The following ANKRD62 variants were observed in gnomAD, a reference collection of about 807,000 sequenced individuals.
ANKRD62 encodes the protein ankyrin repeat domain 62, also known as ankyrin repeat domain-containing protein 62.
In ANKRD62, 61 loss-of-function variants were observed where a neutral mutation model predicts 98.8. The observed-to-expected ratio is 0.62, with a 90% CI of 0.50 to 0.76. The LOEUF (loss-of-function observed/expected upper bound fraction) is 0.76. ANKRD62 is among the 30% of genes least tolerant of loss of function. The pLI is 0.00. For missense variants in ANKRD62, 933 were observed against 1,082.9 expected, an observed-to-expected ratio of 0.86 and a Z score of 1.94; for synonymous variants, 341 against 367.9, an observed-to-expected ratio of 0.93 and a Z score of 0.84.
Position 12,106,016 on chromosome 18 carries a change from C to T in ANKRD62, c.892-1279C>T, listed in dbSNP as rs1401554321. 2.0e-5 allele frequency among the ~76,000 whole-genome samples: 3 copies of T among 152,240 alleles called. No individual in the cohort carries two copies. The East Asian group carries it at 5.8e-4, about 29-fold the overall frequency. ...GAAGTGCTATAAAAATGTGTCTGTC[C>T]TTGAGAGTTGGAACAAATATTCATG... On this transcript the variant is annotated intron_variant, in intron 7 of 13. Transcript: ENST00000587848.
Position 12,124,215 on chromosome 18 carries a change from A to C in ANKRD62, c.1533A>C (p.Ile511=). 7.0e-7 allele frequency: 1 copy of C among 1,423,766 alleles called. No individual in the cohort carries two copies. 88.2% of individuals were successfully genotyped at this position (1,423,766 alleles called of 1,614,324 possible). Residue 511 remains isoleucine, a synonymous_variant, in exon 12 of 14, where the codon ATA becomes ATC. Transcript: ENST00000587848. ...LYEKDIEELK[I]MEEQYRTQTE... Reference sequence around the variant, plus strand: ...AAAAAGATATAGAAGAGTTAAAAATAATGGAAGAGCAATATAGGACACAAA... The same window carrying C: ...AAAAAGATATAGAAGAGTTAAAAATCATGGAAGAGCAATATAGGACACAAA...
intron 8 of ANKRD62, among the ~76,000 whole-genome samples, chr18:12,114,499 T>A (rs1033412655): frequency 6.6e-6 from 1 of 152,218 alleles, no homozygotes; most frequent in Non-Finnish European, 1.5e-5. Context: ...CAGTTTTATG[T>A]GTTTGGGCAG....
the ANKRD62 span, among the ~76,000 whole-genome samples, chr18:12,137,676 T>G: frequency 6.6e-6 from 1 of 152,146 alleles, no homozygotes; most frequent in South Asian, 2.1e-4. Context: ...TCCATCTGGT[T>G]CTGGACTTTT....
At chr18:12,094,324 G>A (rs1909117357) in intron 1 of ANKRD62, 89 bp downstream of exon 1, 21 of 850,192 alleles carry the variant, frequency 2.5e-5, no homozygotes, top group Non-Finnish European at 3.4e-5. Context: ...ACGGTGTGGG[G>A]TGAAGGCGTG....
the ANKRD62 span, among the ~76,000 whole-genome samples, chr18:12,161,368 C>T: frequency 9.2e-5 from 14 of 151,922 alleles, no homozygotes; most frequent in Non-Finnish European, 1.5e-4. Context: ...TCATATAATA[C>T]GCCATTTTCC....
chr18:12,102,701 G>A (rs936835683), intron 6 of ANKRD62: 8 of 1,038,556 alleles, frequency 7.7e-6, no homozygotes, highest in Non-Finnish European at 9.3e-6. Context: ...TATAATGAAC[G>A]GGGTGTATAT....
chr18:12,131,368 T>TG (rs1281001888), downstream of ANKRD62, among the ~76,000 whole-genome samples: 3 of 152,234 alleles, frequency 2.0e-5, no homozygotes, highest in African/African-American at 4.8e-5. Context: ...ATGGGTTGCT[T>TG]GGTTAACAAA....
the ANKRD62 span, among the ~76,000 whole-genome samples, chr18:12,155,855 T>C: frequency 6.6e-6 from 1 of 152,024 alleles, no homozygotes; most frequent in African/African-American, 2.4e-5. Context: ...ATTGGGGAGA[T>C]AGAAAGGGGG....
chr18:12,163,223 T>C, the ANKRD62 span, among the ~76,000 whole-genome samples: 1 of 152,076 alleles, frequency 6.6e-6, no homozygotes, highest in African/African-American at 2.4e-5. Context: ...ATCTTTCACT[T>C]CTGTGTTTAA....
chr18:12,095,885 G>C (rs946341008), intron 3 of ANKRD62, among the ~76,000 whole-genome samples: 2 of 152,162 alleles, frequency 1.3e-5, no homozygotes, highest in East Asian at 1.9e-4. Context: ...TAGATTTCAG[G>C]CTTCTCTTAA....
At chr18:12,101,178 ACTTTT>A (rs1909292550) in intron 6 of ANKRD62, among the ~76,000 whole-genome samples, 1 of 152,062 alleles carries the variant, frequency 6.6e-6, no homozygotes, top group African/African-American at 2.4e-5. Flanking sequence ...GAATGTGTGT[ACTTTT>A]CTTTTTTTTA....
At chr18:12,108,627 C>A (rs1598733056) in intron 8 of ANKRD62, among the ~76,000 whole-genome samples, 1 of 152,298 alleles carries the variant, frequency 6.6e-6, no homozygotes, top group East Asian at 1.9e-4. Context: ...GCCTTCCCAA[C>A]AGTGCCCCCA....
chr18:12,127,387 T>C (rs1235535044), intron 13 of ANKRD62, among the ~76,000 whole-genome samples: 1 of 152,170 alleles, frequency 6.6e-6, no homozygotes, highest in Non-Finnish European at 1.5e-5. Context: ...AACTCTGAGG[T>C]TGATTTGAGC....
In ANKRD62 at chr18:12,105,525, G is replaced by T. The variant is rs144057537; in HGVS notation, c.892-1770G>T. On this transcript the variant is annotated intron_variant, in intron 7 of 13. Transcript: ENST00000587848. Reference sequence around the variant, plus strand: ...TCTACCTTTTTGGGGTCTGGAAGATGGTCACTCTCTTCTCACAGCTCTTCT... The same window carrying T: ...TCTACCTTTTTGGGGTCTGGAAGATTGTCACTCTCTTCTCACAGCTCTTCT... Among the ~76,000 whole-genome samples, 285 of 152,174 alleles carry T rather than the reference G, an allele frequency of 1.9e-3. 1 individual carries two copies. The highest frequency in any genetic ancestry group is 3.4e-3 in the Middle Eastern group (1 of 294).
At chr18:12,172,891 G>A in the ANKRD62 span, among the ~76,000 whole-genome samples, 1 of 152,210 alleles carries the variant, frequency 6.6e-6, no homozygotes, top group African/African-American at 2.4e-5. Context: ...CTCCATGGGC[G>A]TGGGACCCTC....
intron 10 of ANKRD62, among the ~76,000 whole-genome samples, chr18:12,119,190 G>A (rs1168253804): frequency 2.0e-5 from 3 of 151,442 alleles, no homozygotes; most frequent in Admixed American, 2.0e-4. Context: ...ATGTCACCTT[G>A]GTTTTTTTTT....
chr18:12,130,604 G>A (rs1473670894), downstream of ANKRD62, among the ~76,000 whole-genome samples: 5 of 152,100 alleles, frequency 3.3e-5, no homozygotes, highest in African/African-American at 9.6e-5. Context: ...AAGAGTAAAC[G>A]TGAAATACAT....
intron 11 of ANKRD62, among the ~76,000 whole-genome samples, chr18:12,123,030 A>AG (rs1200698935): frequency 1.1e-5 from 1 of 90,566 alleles, no homozygotes; most frequent in Non-Finnish European, 2.6e-5. Context: ...AAAATTAACC[A>AG]GTTTTTTTTG....
At chr18:12,137,681 A>G in the ANKRD62 span, among the ~76,000 whole-genome samples, 1 of 151,976 alleles carries the variant, frequency 6.6e-6, no homozygotes, top group Non-Finnish European at 1.5e-5. Flanking sequence ...CTGGTTCTGG[A>G]CTTTTTTTGG....
Sources: gnomAD v4.1 joint callset for allele counts (sites outside exome capture counted in the v4.1 genomes callset) on GRCh38, gnomAD v4.1.1 for gene constraint, MANE v1.5 for transcripts, NCBI Gene and HGNC (gene_info 2026-07-23, HGNC 2026-07-21) for gene names.